The following PTRH1 variants were observed in gnomAD, a reference collection of about 807,000 sequenced individuals.
PTRH1 encodes the protein peptidyl-tRNA hydrolase 1 homolog.
In PTRH1, 13 loss-of-function variants were observed where a neutral mutation model predicts 15.7. The ratio of observed to expected loss-of-function variants is 0.83; its 90% confidence interval spans 0.54 to 1.31. The LOEUF (loss-of-function observed/expected upper bound fraction) is 1.31. PTRH1 is among the 40% of genes most tolerant of loss of function. The pLI is 0.00. For missense variants in PTRH1, 319 were observed against 296.2 expected, an observed-to-expected ratio of 1.08 and a Z score of -0.56; for synonymous variants, 139 against 136.7, an observed-to-expected ratio of 1.02 and a Z score of -0.12.
downstream of PTRH1, chr9:127,712,787 G>A: frequency 5.6e-6 from 9 of 1,614,196 alleles, no homozygotes; most frequent in Middle Eastern, 1.6e-4. Flanking sequence ...GCAACTGCTG[G>A]TCATGCTCAG....
At position 127,704,323 on chromosome 9, in the gene PTRH1, G is replaced by A. The variant is rs546671623; in HGVS notation, c.206-9182C>T. On this transcript the variant is annotated intron_variant, in intron 1 of 2. Coordinates refer to the PTRH1 transcript ENST00000335223. ...AGTTTGAGACCACCCTGGGCAACAC[G>A]ATGAAACTCCGTCTCCACCAAAAAA... Among the ~76,000 whole-genome samples the A allele has an allele frequency of 2.6e-5, 4 of 152,024 alleles. No individual in the cohort carries two copies. The East Asian group carries it at 5.8e-4, about 22-fold the overall frequency.
At chr9:127,697,262 C>T (rs1842568763) in intron 1 of PTRH1, among the ~76,000 whole-genome samples, 1 of 152,198 alleles carries the variant, frequency 6.6e-6, no homozygotes, top group African/African-American at 2.4e-5. Context: ...TGATGAATTC[C>T]ATTGCTCAAG....
In PTRH1 at chr9:127,715,437, G is replaced by T; in HGVS notation, c.96+107C>A. On this transcript the variant is annotated intron_variant, in intron 1 of 4. Transcript: ENST00000543175. This position sits in a 1 kb window ranked among gnomAD's most constrained non-coding sequence, Gnocchi z 5.8. ...AGCCCGTCGAGCACTGAACTCACCA[G>T]TTAAGAAAACAGAGCAGCAATTTGG... The T allele has an allele frequency of 6.7e-7, 1 of 1,502,054 alleles. No individual in the cohort carries two copies. 93.0% of individuals were successfully genotyped at this position (1,502,054 alleles called of 1,614,324 possible).
chr9:127,714,516 C>G (rs1842868672), intron 3 of PTRH1, 87 bp downstream of exon 3: 1 of 1,594,434 alleles, frequency 6.3e-7, no homozygotes, highest in South Asian at 1.1e-5. Flanking sequence ...CAGCCCATTT[C>G]CTGTGGAGAC....
chr9:127,712,833 G>T, downstream of PTRH1: 1 of 1,613,734 alleles, frequency 6.2e-7, no homozygotes, highest in Non-Finnish European at 8.5e-7. Context: ...AAGGCTGCGT[G>T]TCCCCACCAG....
At position 127,715,605 on chromosome 9, in the gene PTRH1, C is replaced by A; in HGVS notation, c.35G>T (p.Arg12Leu). The A allele has an allele frequency of 1.9e-6, 3 of 1,613,070 alleles. No individual in the cohort carries two copies. In the South Asian group the frequency reaches 3.3e-5, roughly 18 times the overall value. The change falls in exon 1 of 5, where the codon CGG becomes CTG. Residue 12 changes from arginine (R) to leucine (L), a missense_variant. Transcript: ENST00000543175. The surrounding 1 kb of genome is among the most constrained non-coding windows in gnomAD (Gnocchi z 5.8). ...RPGGFLGAGQRLSRAMSRCVL... is the reference protein window; with the variant it reads ...RPGGFLGAGQLLSRAMSRCVL... The stretch of plus-strand genomic sequence containing the variant: ...ACATCGGCTCATGGCTCTACTCAGC[C>A]GCTGTCCGGCGCCCAAAAAGCCGCC...
chr9:127,708,147 C>T (rs565648042), intron 1 of PTRH1, among the ~76,000 whole-genome samples: 9 of 152,284 alleles, frequency 5.9e-5, no homozygotes, highest in African/African-American at 2.2e-4. Flanking sequence ...TGTGCAGTCA[C>T]TATTTGAAAG....
rs1824887028 is a variant in PTRH1 at position 127,705,565 on chromosome 9, G to A, written c.205+9870C>T. Among the ~76,000 whole-genome samples the A allele has an allele frequency of 6.6e-6, 1 of 152,248 alleles. No homozygotes were observed. Among genetic ancestry groups the A allele is most frequent in the Non-Finnish European group, 1.5e-5 (1 of 68,046 alleles). ...CCCGAGGGGCTGTGGGCCCCATTAA[G>A]CTGGGAATTCAGAGCTACCCCCTGC... On this transcript the variant is annotated intron_variant, in intron 1 of 2. Transcript: ENST00000335223. The surrounding 1 kb of genome is among the most constrained non-coding windows in gnomAD (Gnocchi z 4.7).
chr9:127,703,459 A>G (rs1385257788), intron 1 of PTRH1, among the ~76,000 whole-genome samples: 1 of 151,084 alleles, frequency 6.6e-6, no homozygotes, highest in Middle Eastern at 3.4e-3. Flanking sequence ...GAGAGAGAGA[A>G]AGAGAAAGAG....
chr9:127,714,941 G>GGCCCCCCCCCCCCCCC, intron 2 of PTRH1, 34 bp downstream of exon 2: 5 of 446,380 alleles, frequency 1.1e-5, no homozygotes, highest in South Asian at 2.1e-5. Flanking sequence ...CACCCCCTTG[G>GGCCCCCCCCCCCCCCC]CCCGCCCGCC....
chr9:127,695,081 T>C, exon 2 of PTRH1: 1 of 702,204 alleles, frequency 1.4e-6, no homozygotes, highest in Non-Finnish European at 2.6e-6. Context: ...ATGATGATGA[T>C]GATGATGATG....
At chr9:127,708,335 G>A (rs1007754388) in intron 1 of PTRH1, among the ~76,000 whole-genome samples, 3 of 152,020 alleles carry the variant, frequency 2.0e-5, no homozygotes, top group African/African-American at 4.8e-5. Flanking sequence ...AAATTAGCTG[G>A]GCATGGTGGC....
chr9:127,713,020 C>T (rs1205584179), downstream of PTRH1: 2 of 1,612,654 alleles, frequency 1.2e-6, no homozygotes, highest in African/African-American at 1.3e-5. Context: ...CTCCCCACAG[C>T]CGGCCCAGCA....
downstream of PTRH1, chr9:127,711,880 G>A (rs750380061): frequency 2.8e-5 from 44 of 1,592,948 alleles, no homozygotes; most frequent in Non-Finnish European, 3.4e-5. Flanking sequence ...GGAGGCCGAG[G>A]AGCTGCGCCT....
At chr9:127,714,557 G>A (rs764017770) in intron 3 of PTRH1, 46 bp downstream of exon 3, 2 of 1,596,964 alleles carry the variant, frequency 1.3e-6, no homozygotes, top group East Asian at 2.2e-5. Flanking sequence ...ACCCCAACTG[G>A]GAGGCCTGAA....
chr9:127,707,176 G>C, intron 1 of PTRH1: 1 of 1,612,800 alleles, frequency 6.2e-7, no homozygotes, highest in South Asian at 1.1e-5. Flanking sequence ...CCGAGACCTG[G>C]AGGACCGGCT....
chr9:127,708,124 C>G (rs1842687791), intron 1 of PTRH1, among the ~76,000 whole-genome samples: 1 of 152,240 alleles, frequency 6.6e-6, no homozygotes, highest in Non-Finnish European at 1.5e-5. Context: ...GCCCCCACCC[C>G]TGAAATGCTC....
Position 127,701,429 on chromosome 9 carries a change from GGAAT to G in PTRH1, c.206-6292_206-6289del, listed in dbSNP as rs34198029. Reference sequence around the variant, plus strand: ...GGATCTATTAGTTGAATAAAGAAAGGGAATGAATGAATGAATGAATGAATGAAGG... The same window carrying G: ...GGATCTATTAGTTGAATAAAGAAAGGGAATGAATGAATGAATGAATGAAGG... On this transcript the variant is annotated intron_variant, in intron 1 of 2. Transcript: ENST00000335223. Among the ~76,000 whole-genome samples, 433 of 152,068 alleles carry G rather than the reference GGAAT, an allele frequency of 2.8e-3. 10 individuals carry two copies. In the East Asian group the frequency reaches 0.058, roughly 20 times the overall value.
downstream of PTRH1, among the ~76,000 whole-genome samples, chr9:127,708,819 A>C (rs1842702641): frequency 6.6e-6 from 1 of 152,262 alleles, no homozygotes; most frequent in South Asian, 2.1e-4. Flanking sequence ...TCCACTGAGG[A>C]GAAAACACCA....
Sources: gnomAD v4.1 joint callset for allele counts (sites outside exome capture counted in the v4.1 genomes callset) on GRCh38, gnomAD v4.1.1 for gene constraint, Gnocchi (gnomAD v3.1) non-coding constraint, MANE v1.5 for transcripts, NCBI Gene and HGNC (gene_info 2026-07-23, HGNC 2026-07-21) for gene names.